The following TTC27 variants were observed in gnomAD, a reference collection of about 807,000 sequenced individuals.
TTC27 encodes the protein tetratricopeptide repeat protein 27.
Under a neutral mutation model 115.9 loss-of-function variants are expected in TTC27, and 79 were observed. The observed-to-expected ratio is 0.68, with a 90% CI of 0.57 to 0.82. The LOEUF (loss-of-function observed/expected upper bound fraction) is 0.82, where lower values mean the gene tolerates loss of function less well. Among genes scored for constraint, TTC27 ranks in the 40% least tolerant of loss-of-function variants. TTC27 has a pLI of 0.00. For synonymous variants in TTC27, 401 were observed against 356.0 expected (o/e 1.13, Z -1.42); for missense variants, 1,054 against 993.1 (o/e 1.06, Z -0.82).
At chr2:32,752,854 C>A (rs1669064426) in intron 12 of TTC27, among the ~76,000 whole-genome samples, 1 of 152,170 alleles carries the variant, frequency 6.6e-6, no homozygotes, top group Non-Finnish European at 1.5e-5. Flanking sequence ...GTGCCCTCTT[C>A]TGCTCCTGGC....
At chr2:32,653,646 C>A (rs1035092130) in intron 5 of TTC27, among the ~76,000 whole-genome samples, 8 of 150,720 alleles carry the variant, frequency 5.3e-5, no homozygotes, top group African/African-American at 2.0e-4. Flanking sequence ...TGCATACGTG[C>A]GTACGTTGAT....
At chr2:32,761,382 T>G (rs1252667449) in intron 13 of TTC27, among the ~76,000 whole-genome samples, 2 of 152,184 alleles carry the variant, frequency 1.3e-5, no homozygotes, top group Non-Finnish European at 2.9e-5. Flanking sequence ...ACCTCCTTAT[T>G]GGTCTTCCTG....
At chr2:32,801,526 G>A (rs1365319949) in intron 16 of TTC27, among the ~76,000 whole-genome samples, 1 of 152,176 alleles carries the variant, frequency 6.6e-6, no homozygotes, top group African/African-American at 2.4e-5. Context: ...ATCTTAACTA[G>A]TTACATTGCA....
At chr2:32,766,100 C>T (rs1027923721) in intron 13 of TTC27, among the ~76,000 whole-genome samples, 1 of 152,218 alleles carries the variant, frequency 6.6e-6, no homozygotes, top group Non-Finnish European at 1.5e-5. Flanking sequence ...TACAGGAGGC[C>T]CAGCTTTCGG....
chr2:32,672,765 T>C (rs1666057990), intron 8 of TTC27, among the ~76,000 whole-genome samples: 1 of 152,216 alleles, frequency 6.6e-6, no homozygotes, highest in Non-Finnish European at 1.5e-5. Context: ...AGTTTTAACT[T>C]TTTTTTCTGA....
chr2:32,753,233 G>A (rs1052112639), intron 12 of TTC27, among the ~76,000 whole-genome samples: 8 of 152,178 alleles, frequency 5.3e-5, no homozygotes, highest in African/African-American at 1.9e-4. Flanking sequence ...GACTCCAAGC[G>A]AGGATTGCAA....
intron 9 of TTC27, among the ~76,000 whole-genome samples, chr2:32,684,322 CATT>C (rs1259822988): frequency 6.6e-6 from 1 of 151,866 alleles, no homozygotes. Context: ...TCCAGTCTAT[CATT>C]GTTGGACATT....
At chr2:32,730,162 G>A (rs900962621) in intron 10 of TTC27, among the ~76,000 whole-genome samples, 6 of 152,152 alleles carry the variant, frequency 3.9e-5, no homozygotes, top group African/African-American at 1.4e-4. Flanking sequence ...CACATGGTTT[G>A]CTTCTAATGA....
chr2:32,809,376 C>G (rs1340129277), intron 16 of TTC27, among the ~76,000 whole-genome samples: 2 of 152,216 alleles, frequency 1.3e-5, no homozygotes, highest in East Asian at 3.8e-4. Flanking sequence ...AAATGCCATC[C>G]TCTCCCTGCA....
chr2:32,660,137 G>A (rs917973651), intron 5 of TTC27, among the ~76,000 whole-genome samples: 36 of 152,250 alleles, frequency 2.4e-4, no homozygotes, highest in African/African-American at 8.2e-4. Context: ...CACCGACAGA[G>A]TAAAAGTGTT....
At chr2:32,805,607 G>A (rs1214404025) in intron 16 of TTC27, among the ~76,000 whole-genome samples, 1 of 152,188 alleles carries the variant, frequency 6.6e-6, no homozygotes, top group East Asian at 1.9e-4. Context: ...TGACACCATG[G>A]TGGTGAATTC....
chr2:32,815,783 T>TCC (rs1218822930), intron 18 of TTC27, among the ~76,000 whole-genome samples: 4 of 152,142 alleles, frequency 2.6e-5, no homozygotes, highest in Non-Finnish European at 5.9e-5. Flanking sequence ...AGATTAATAA[T>TCC]CCCCGCTATC....
At chr2:32,669,218 C>G (rs1665916057) in intron 7 of TTC27, among the ~76,000 whole-genome samples, 1 of 152,232 alleles carries the variant, frequency 6.6e-6, no homozygotes, top group African/African-American at 2.4e-5. Flanking sequence ...TCTCGAACTT[C>G]TGGGCTCAAG....
intron 13 of TTC27, among the ~76,000 whole-genome samples, chr2:32,760,670 G>A (rs750311472): frequency 7.9e-5 from 12 of 152,116 alleles, no homozygotes; most frequent in Non-Finnish European, 1.8e-4. Context: ...CTGAAAAACT[G>A]TATCATATCC....
At chr2:32,709,683 G>A (rs990291765) in intron 10 of TTC27, among the ~76,000 whole-genome samples, 7 of 152,102 alleles carry the variant, frequency 4.6e-5, no homozygotes, top group South Asian at 2.1e-4. Context: ...GGATATGGGC[G>A]GCCTCAGGGG....
intron 7 of TTC27, among the ~76,000 whole-genome samples, chr2:32,668,504 C>G (rs887811592): frequency 6.8e-6 from 1 of 146,304 alleles, no homozygotes; most frequent in Non-Finnish European, 1.5e-5. Flanking sequence ...CTTGTTCTTT[C>G]TTTTCTTTTC....
intron 5 of TTC27, among the ~76,000 whole-genome samples, chr2:32,650,450 C>A (rs1374124963): frequency 7.3e-6 from 1 of 136,802 alleles, no homozygotes; most frequent in East Asian, 2.5e-4. Context: ...AAAAAGATAA[C>A]TACTTTCACT....
chr2:32,668,581 C>CCTTCCTTA (rs1553547655), intron 7 of TTC27, among the ~76,000 whole-genome samples: 1 of 121,598 alleles, frequency 8.2e-6, no homozygotes, highest in Admixed American at 9.5e-5. Flanking sequence ...TTCCTTCCTT[C>CCTTCCTTA]CTTCCTTCCT....
chr2:32,803,824 G>T (rs1201281703), intron 16 of TTC27, among the ~76,000 whole-genome samples: 1 of 151,976 alleles, frequency 6.6e-6, no homozygotes. Flanking sequence ...TGGCCAACAT[G>T]GCGAAAACCC....
Sources: gnomAD v4.1 joint callset for allele counts (sites outside exome capture counted in the v4.1 genomes callset) on GRCh38, gnomAD v4.1.1 for gene constraint, MANE v1.5 for transcripts, NCBI Gene and HGNC (gene_info 2026-07-23, HGNC 2026-07-21) for gene names.